Variants in ATXN1 observed in about 807,000 individuals in gnomAD.
ATXN1 encodes the protein ataxin-1.
A neutral mutation model predicts 56.4 loss-of-function variants in ATXN1; 8 were observed. That is an observed-to-expected ratio of 0.14 (90% CI 0.08 to 0.26). The LOEUF (loss-of-function observed/expected upper bound fraction) is 0.26, where lower values mean the gene tolerates loss of function less well. Among genes scored for constraint, ATXN1 ranks in the 10% least tolerant of loss-of-function variants. The pLI is 1.00. For missense variants in ATXN1, 987 were observed against 1,106.5 expected, an observed-to-expected ratio of 0.89 and a Z score of 1.53; for synonymous variants, 514 against 494.6, an observed-to-expected ratio of 1.04 and a Z score of -0.52.
chr6:16,433,302 C>A (rs897308400), intron 6 of ATXN1, among the ~76,000 whole-genome samples: 1 of 152,144 alleles, frequency 6.6e-6, no homozygotes. Context: ...AATTGGTGAT[C>A]CACACCTTCT....
At chr6:16,401,848 T>A (rs1758579766) in intron 6 of ATXN1, among the ~76,000 whole-genome samples, 1 of 152,194 alleles carries the variant, frequency 6.6e-6, no homozygotes, top group Non-Finnish European at 1.5e-5. Flanking sequence ...TCCATTTTTA[T>A]GCTGTTGATA....
At chr6:16,543,631 C>CT (rs1327210497) in intron 4 of ATXN1, among the ~76,000 whole-genome samples, 1 of 62,142 alleles carries the variant, frequency 1.6e-5, no homozygotes, top group African/African-American at 1.2e-4. Context: ...AGCTATTTTC[C>CT]TAAAAAAAAA....
intron 4 of ATXN1, among the ~76,000 whole-genome samples, chr6:16,551,385 T>C (rs978407103): frequency 6.6e-6 from 1 of 151,072 alleles, no homozygotes. Context: ...GAAAGAAAGA[T>C]TCCAGAAGGA....
At chr6:16,475,232 T>C (rs1015713240) in intron 6 of ATXN1, among the ~76,000 whole-genome samples, 7 of 152,216 alleles carry the variant, frequency 4.6e-5, no homozygotes, top group African/African-American at 1.7e-4. Flanking sequence ...ATTATTCTAC[T>C]ATATACATGT....
intron 6 of ATXN1, among the ~76,000 whole-genome samples, chr6:16,342,268 C>G (rs1761267516): frequency 6.6e-6 from 1 of 151,796 alleles, no homozygotes; most frequent in Admixed American, 6.6e-5. Flanking sequence ...TTTAATCATA[C>G]TTAAAATTAT....
At chr6:16,715,462 T>C (rs1759619170) in intron 2 of ATXN1, among the ~76,000 whole-genome samples, 1 of 152,200 alleles carries the variant, frequency 6.6e-6, no homozygotes, top group Non-Finnish European at 1.5e-5. Flanking sequence ...CCCAACATTT[T>C]CTTCAATCAA....
At chr6:16,476,530 A>T (rs1286309195) in intron 6 of ATXN1, among the ~76,000 whole-genome samples, 1 of 152,042 alleles carries the variant, frequency 6.6e-6, no homozygotes, top group Admixed American at 6.6e-5. Context: ...ATCCAAAAAA[A>T]AAAACAAAAA....
chr6:16,697,055 A>T (rs1241616363), intron 2 of ATXN1, among the ~76,000 whole-genome samples: 2 of 152,202 alleles, frequency 1.3e-5, no homozygotes, highest in African/African-American at 4.8e-5. Flanking sequence ...CACCAACACC[A>T]CCACGTTACA....
At chr6:16,524,018 C>T (rs1761343950) in intron 4 of ATXN1, among the ~76,000 whole-genome samples, 1 of 152,158 alleles carries the variant, frequency 6.6e-6, no homozygotes, top group African/African-American at 2.4e-5. Flanking sequence ...GCAAGTTTCC[C>T]AGGATTCCAG....
intron 4 of ATXN1, among the ~76,000 whole-genome samples, chr6:16,543,503 GA>G (rs879336215): frequency 3.3e-5 from 5 of 151,902 alleles, no homozygotes; most frequent in Non-Finnish European, 7.4e-5. Context: ...TATGCCAAGA[GA>G]AAAAAGAATG....
chr6:16,555,304 G>T (rs564150096), intron 4 of ATXN1, among the ~76,000 whole-genome samples: 32 of 152,072 alleles, frequency 2.1e-4, no homozygotes, highest in Admixed American at 9.2e-4. Context: ...GGTGCTAGAT[G>T]TACAACATCT....
At chr6:16,336,374 C>T (rs549485606) in intron 6 of ATXN1, among the ~76,000 whole-genome samples, 4 of 152,288 alleles carry the variant, frequency 2.6e-5, no homozygotes, top group African/African-American at 9.6e-5. Flanking sequence ...GGGACCTCTG[C>T]ACCATGTTGA....
At chr6:16,702,016 C>T (rs543283947) in intron 2 of ATXN1, among the ~76,000 whole-genome samples, 2 of 152,082 alleles carry the variant, frequency 1.3e-5, no homozygotes, top group East Asian at 1.9e-4. Context: ...AAAAAGAGCC[C>T]ACATTGCCAA....
intron 6 of ATXN1, among the ~76,000 whole-genome samples, chr6:16,337,777 G>A (rs1415903700): frequency 6.6e-6 from 1 of 152,234 alleles, no homozygotes; most frequent in Non-Finnish European, 1.5e-5. Context: ...CCTGGAGTTA[G>A]TGGTTCTCAT....
chr6:16,577,949 G>A (rs2299079), intron 4 of ATXN1, among the ~76,000 whole-genome samples: 4,243 of 152,240 alleles, frequency 0.028, 72 homozygotes, highest in East Asian at 0.1. Flanking sequence ...CAGATTTTGA[G>A]TGATTTCCCT....
Position 16,760,274 on chromosome 6 carries a change from G to T in ATXN1, c.-730+1024C>A, listed in dbSNP as rs1426522182. Among the ~76,000 whole-genome samples the T allele has an allele frequency of 1.3e-5, 2 of 151,894 alleles. No homozygotes were observed. Among genetic ancestry groups the T allele is most frequent in the Admixed American group, 1.3e-4 (2 of 15,264 alleles). On this transcript the variant is annotated intron_variant, in intron 1 of 7. Transcript: ENST00000436367. The surrounding 1 kb of genome is among the most constrained non-coding windows in gnomAD (Gnocchi z 5.3). ...GCCTCCTCCTCCTTCCCCTCCTCCTGGCTTCATTCACCCTCCCAGCAGCCG... is the reference window on the plus strand; with the variant it reads ...GCCTCCTCCTCCTTCCCCTCCTCCTTGCTTCATTCACCCTCCCAGCAGCCG...
intron 3 of ATXN1, among the ~76,000 whole-genome samples, chr6:16,627,208 C>T (rs1763421354): frequency 6.6e-6 from 1 of 152,140 alleles, no homozygotes; most frequent in South Asian, 2.1e-4. Context: ...AGTCTCTTTC[C>T]TCCTTTAAAT....
At chr6:16,600,106 G>A (rs1329961802) in intron 3 of ATXN1, among the ~76,000 whole-genome samples, 1 of 152,076 alleles carries the variant, frequency 6.6e-6, no homozygotes, top group African/African-American at 2.4e-5. Flanking sequence ...ATAATCTTGG[G>A]GTCATCCATT....
chr6:16,463,060 G>GT (rs1760031637), intron 6 of ATXN1, among the ~76,000 whole-genome samples: 1 of 151,960 alleles, frequency 6.6e-6, no homozygotes, highest in Non-Finnish European at 1.5e-5. Flanking sequence ...ATACAAAACA[G>GT]TTTTTTCTCC....
Sources: allele counts gnomAD v4.1 joint callset (sites outside exome capture counted in the v4.1 genomes callset), GRCh38; gene constraint gnomAD v4.1.1; non-coding constraint Gnocchi (gnomAD v3.1); transcripts MANE v1.5; gene names NCBI Gene and HGNC (gene_info 2026-07-23, HGNC 2026-07-21).